SLC35F1: variants seen among roughly 807,000 people sequenced by gnomAD.
The protein encoded by SLC35F1 is chromosome 6 open reading frame 169.
Under a neutral mutation model 48.7 loss-of-function variants are expected in SLC35F1, and 14 were observed. That is an observed-to-expected ratio of 0.29 (90% confidence interval 0.19 to 0.45). SLC35F1 has a LOEUF of 0.45. SLC35F1 is among the 20% of genes least tolerant of loss of function. The pLI is 1.00. For synonymous variants in SLC35F1, 190 were observed against 202.2 expected, an observed-to-expected ratio of 0.94 and a Z score of 0.51; for missense variants, 404 against 500.0, an observed-to-expected ratio of 0.81 and a Z score of 1.83.
chr6:117,924,167 G>A, intron 1 of SLC35F1, among the ~76,000 whole-genome samples: 1 of 104,868 alleles, frequency 9.5e-6, no homozygotes, highest in Admixed American at 1.0e-4. Flanking sequence ...AGGTACACAT[G>A]CATATGTATA....
chr6:118,006,411 G>A (rs1404376251), intron 1 of SLC35F1, among the ~76,000 whole-genome samples: 2 of 152,086 alleles, frequency 1.3e-5, no homozygotes, highest in African/African-American at 4.8e-5. Context: ...GAGACCAGGT[G>A]TTCAAGATCA....
intron 3 of SLC35F1, among the ~76,000 whole-genome samples, chr6:118,253,219 G>A (rs2114605682): frequency 6.6e-6 from 1 of 152,206 alleles, no homozygotes. Context: ...AGATGCAGGA[G>A]CCCATAAGCC....
At chr6:118,215,517 G>A (rs1404412831) in intron 2 of SLC35F1, among the ~76,000 whole-genome samples, 7 of 151,880 alleles carry the variant, frequency 4.6e-5, no homozygotes, top group African/African-American at 1.7e-4. Context: ...GAGTGTTTTA[G>A]TATGAATTCC....
rs560767376 is a variant in SLC35F1, at chr6:117,915,512, G to C, written c.173+7613G>C. ...AAGGAATATGTGCAGGGAGAGGGAGGTGAGACAGGATGAGCCGTTCATGGA... is the reference window on the plus strand; with the variant it reads ...AAGGAATATGTGCAGGGAGAGGGAGCTGAGACAGGATGAGCCGTTCATGGA... On this transcript the variant is annotated intron_variant, in intron 1 of 7. Coordinates refer to ENST00000360388, the MANE Select transcript of SLC35F1 (RefSeq NM_001029858.4). 5.3e-5 allele frequency among the ~76,000 whole-genome samples: 8 copies of C among 152,140 alleles called. No homozygotes were observed. In the East Asian group the frequency reaches 7.8e-4, roughly 15 times the overall value.
intron 2 of SLC35F1, among the ~76,000 whole-genome samples, chr6:118,210,417 A>C (rs1044543220): frequency 2.6e-5 from 4 of 152,248 alleles, no homozygotes; most frequent in Non-Finnish European, 5.9e-5. Flanking sequence ...AAAAAAATCT[A>C]ATTCTAATTT....
intron 1 of SLC35F1, among the ~76,000 whole-genome samples, chr6:118,022,321 G>A (rs1336793261): frequency 6.6e-6 from 1 of 152,172 alleles, no homozygotes; most frequent in East Asian, 1.9e-4. Flanking sequence ...GACCACAATT[G>A]CAAAGTGATG....
chr6:118,004,486 A>T (rs1223141895), intron 1 of SLC35F1, among the ~76,000 whole-genome samples: 3 of 152,220 alleles, frequency 2.0e-5, no homozygotes, highest in African/African-American at 7.2e-5. Flanking sequence ...TAATCCTACT[A>T]GATTCTGTCC....
At chr6:118,118,405 A>C (rs1229143305) in intron 1 of SLC35F1, among the ~76,000 whole-genome samples, 1 of 152,174 alleles carries the variant, frequency 6.6e-6, no homozygotes, top group Non-Finnish European at 1.5e-5. Flanking sequence ...GACCCTTGTT[A>C]CCATGGAAAA....
At chr6:118,022,329 A>G (rs1394769978) in intron 1 of SLC35F1, among the ~76,000 whole-genome samples, 1 of 152,244 alleles carries the variant, frequency 6.6e-6, no homozygotes, top group Non-Finnish European at 1.5e-5. Flanking sequence ...TTGCAAAGTG[A>G]TGAACACATG....
In SLC35F1 at chr6:117,950,062, A is replaced by T. The variant is rs562065274; in HGVS notation, c.173+42163A>T. On this transcript the variant is annotated intron_variant, in intron 1 of 7. Transcript: ENST00000360388. ...TTCACAGCCCTTCATTTGGGGCTTG[A>T]TTCTATGCTACCCATTTTCTTGCCC... 2.6e-5 allele frequency among the ~76,000 whole-genome samples: 4 copies of T among 152,080 alleles called. No homozygotes were observed. The South Asian group carries it at 8.3e-4, about 32-fold the overall frequency.
intron 3 of SLC35F1, among the ~76,000 whole-genome samples, chr6:118,262,801 T>C (rs1479560811): frequency 1.3e-5 from 2 of 152,122 alleles, no homozygotes; most frequent in Non-Finnish European, 2.9e-5. Flanking sequence ...AACTACAGGG[T>C]TCAAGCTGGG....
intron 3 of SLC35F1, among the ~76,000 whole-genome samples, chr6:118,238,409 G>T (rs1775393636): frequency 7.0e-6 from 1 of 142,310 alleles, no homozygotes; most frequent in African/African-American, 2.6e-5. Context: ...GGGTGATATA[G>T]CAAGATCCCA....
At chr6:118,010,746 C>T (rs1670527810) in intron 1 of SLC35F1, among the ~76,000 whole-genome samples, 1 of 152,102 alleles carries the variant, frequency 6.6e-6, no homozygotes, top group Admixed American at 6.5e-5. Context: ...GTTGTGTTTA[C>T]AGAATTTCTC....
intron 2 of SLC35F1, among the ~76,000 whole-genome samples, chr6:118,233,491 CAT>C: frequency 6.6e-6 from 1 of 152,340 alleles, no homozygotes; most frequent in Non-Finnish European, 1.5e-5. Flanking sequence ...AAGAGTGACT[CAT>C]ATTCTAGCAC....
At chr6:118,132,196 C>G (rs570022909) in intron 1 of SLC35F1, among the ~76,000 whole-genome samples, 1 of 152,246 alleles carries the variant, frequency 6.6e-6, no homozygotes, top group South Asian at 2.1e-4. Flanking sequence ...CACTTTATAG[C>G]CCTTTGGATC....
At chr6:118,246,833 C>T (rs1291839352) in intron 3 of SLC35F1, among the ~76,000 whole-genome samples, 4 of 152,136 alleles carry the variant, frequency 2.6e-5, no homozygotes, top group Non-Finnish European at 5.9e-5. Flanking sequence ...TTTTATCCTG[C>T]CACCAGCTCC....
At chr6:117,945,785 C>G (rs529680530) in intron 1 of SLC35F1, among the ~76,000 whole-genome samples, 23 of 152,240 alleles carry the variant, frequency 1.5e-4, no homozygotes, top group African/African-American at 4.3e-4. Context: ...TAGTAACAAG[C>G]TTTTGCTTTC....
chr6:118,182,563 GAAAA>G (rs1774597510), intron 2 of SLC35F1, among the ~76,000 whole-genome samples: 1 of 147,814 alleles, frequency 6.8e-6, no homozygotes. Context: ...AAGGAAGGAA[GAAAA>G]AAAGAAAGGC....
chr6:118,176,703 T>G (rs1774493997), intron 2 of SLC35F1, among the ~76,000 whole-genome samples: 1 of 152,172 alleles, frequency 6.6e-6, no homozygotes, highest in Admixed American at 6.6e-5. Context: ...TAGCTAAGCC[T>G]TACAAGGTAC....
Sources: gnomAD v4.1 joint callset for allele counts (sites outside exome capture counted in the v4.1 genomes callset) on GRCh38, gnomAD v4.1.1 for gene constraint, MANE v1.5 for transcripts, NCBI Gene and HGNC (gene_info 2026-07-23, HGNC 2026-07-21) for gene names.